LARS2: variants seen among roughly 807,000 people sequenced by gnomAD.
LARS2 encodes leucyl-tRNA synthetase 2, mitochondrial, also known as leucine--tRNA ligase, mitochondrial.
In LARS2, 81 loss-of-function variants were observed where a neutral mutation model predicts 116.6. The observed-to-expected ratio is 0.69, with a 90% CI of 0.58 to 0.84. The LOEUF (loss-of-function observed/expected upper bound fraction) is 0.84. Among genes scored for constraint, LARS2 ranks in the 40% least tolerant of loss-of-function variants. LARS2 has a pLI of 0.00. For synonymous variants in LARS2, 396 were observed against 407.2 expected (o/e 0.97, Z 0.33); for missense variants, 968 against 1,114.5 (o/e 0.87, Z 1.87).
At chr3:45,532,549 T>C (rs984251242) in intron 20 of LARS2, among the ~76,000 whole-genome samples, 1 of 152,246 alleles carries the variant, frequency 6.6e-6, no homozygotes, top group Non-Finnish European at 1.5e-5. Flanking sequence ...AATTTTGCAG[T>C]TATTTTACTA....
intron 16 of LARS2, among the ~76,000 whole-genome samples, chr3:45,514,901 G>A (rs957786089): frequency 6.6e-6 from 1 of 152,218 alleles, no homozygotes. Flanking sequence ...CTGTCATGGG[G>A]TCAGGCAGTA....
chr3:45,451,601 A>G (rs1358862411), intron 7 of LARS2, among the ~76,000 whole-genome samples: 4 of 151,946 alleles, frequency 2.6e-5, no homozygotes, highest in African/African-American at 9.7e-5. Flanking sequence ...TTTGGGTTAC[A>G]ATAGTTTTTT....
At chr3:45,500,930 C>T (rs892152268) in intron 15 of LARS2, among the ~76,000 whole-genome samples, 4 of 151,956 alleles carry the variant, frequency 2.6e-5, no homozygotes, top group Non-Finnish European at 2.9e-5. Flanking sequence ...GCTCTTGTTC[C>T]TAAGCTTGGC....
rs1219947293 is a variant in LARS2, at chr3:45,524,124, CT to C, written c.2404+22del. 6 of 1,517,162 alleles carry C rather than the reference CT, an allele frequency of 4.0e-6. No homozygotes were observed. The highest frequency in any genetic ancestry group is 1.1e-5 in the South Asian group (1 of 88,742). 94.0% of individuals were successfully genotyped at this position (1,517,162 alleles called of 1,614,324 possible). On this transcript the variant is annotated intron_variant, in intron 20 of 21. Coordinates refer to ENST00000645846, the MANE Select transcript of LARS2 (RefSeq NM_015340.4). ...ATCTGGGCAGGTACGTGGCAGAGTC[CT>C]TTTTTGACCAGTTACTACTAACTAG...
chr3:45,409,131 A>G (rs1278264476), intron 4 of LARS2, among the ~76,000 whole-genome samples: 1 of 152,216 alleles, frequency 6.6e-6, no homozygotes, highest in Non-Finnish European at 1.5e-5. Context: ...CAAGAAGTTA[A>G]CTTCTAGGAA....
At chr3:45,540,246 G>A (rs1700770091) in intron 20 of LARS2, among the ~76,000 whole-genome samples, 1 of 152,030 alleles carries the variant, frequency 6.6e-6, no homozygotes, top group African/African-American at 2.4e-5. Context: ...ATGACAGAGT[G>A]AGACTCTGTC....
At chr3:45,457,847 T>C (rs1699238673) in intron 7 of LARS2, among the ~76,000 whole-genome samples, 1 of 152,232 alleles carries the variant, frequency 6.6e-6, no homozygotes, top group Non-Finnish European at 1.5e-5. Context: ...AGACACTAAC[T>C]AGAACTCTAT....
chr3:45,475,026 G>C (rs1264540528), intron 9 of LARS2, among the ~76,000 whole-genome samples: 2 of 152,208 alleles, frequency 1.3e-5, no homozygotes, highest in African/African-American at 4.8e-5. Flanking sequence ...TGTCTCTACT[G>C]ACTAGAGAGT....
intron 8 of LARS2, among the ~76,000 whole-genome samples, chr3:45,461,045 GA>G (rs1042027454): frequency 3.2e-4 from 48 of 151,852 alleles, no homozygotes; most frequent in Middle Eastern, 3.4e-3. Flanking sequence ...AATCAAGGGG[GA>G]AAAAAAGGCA....
intron 3 of LARS2, among the ~76,000 whole-genome samples, chr3:45,395,736 G>A (rs1164883561): frequency 6.6e-6 from 1 of 152,158 alleles, no homozygotes; most frequent in African/African-American, 2.4e-5. Context: ...GAGATTGGTG[G>A]TTATGAAAAA....
chr3:45,541,715 C>T (rs574648025), intron 20 of LARS2, 114 bp from the exon 21 acceptor site: 128 of 1,351,288 alleles, frequency 9.5e-5, no homozygotes, highest in Non-Finnish European at 1.1e-4. Flanking sequence ...GGCTTCCCAC[C>T]GGCTCCTCAC....
At chr3:45,494,286 C>A (rs1699972724) in intron 13 of LARS2, among the ~76,000 whole-genome samples, 1 of 152,262 alleles carries the variant, frequency 6.6e-6, no homozygotes, top group South Asian at 2.1e-4. Context: ...CTGGCCATTT[C>A]CTTGGGTAAT....
chr3:45,417,064 ACT>A (rs1698434436), intron 4 of LARS2, among the ~76,000 whole-genome samples: 2 of 133,884 alleles, frequency 1.5e-5, no homozygotes, highest in Admixed American at 1.6e-4. Flanking sequence ...AAAGTGCAAG[ACT>A]CTGTCTCAAA....
Position 45,547,392 on chromosome 3 carries a change from A to C in LARS2, c.2574A>C (p.Gln858His). 1 of 1,612,238 alleles carries C rather than the reference A, an allele frequency of 6.2e-7. No homozygotes were observed. Among genetic ancestry groups the C allele is most frequent in the East Asian group, 2.2e-5 (1 of 44,814 alleles). Reference sequence around the variant, plus strand: ...GTGGCAAAATTCCTGTGCCCCAACAAGTTGCCCGGGACCAGGACAAAGTCC... The same window carrying C: ...GTGGCAAAATTCCTGTGCCCCAACACGTTGCCCGGGACCAGGACAAAGTCC... ...KACGKIPVPQ[Q>H]VARDQDKVHE... Residue 858 changes from glutamine (Q) to histidine (H), a missense_variant, in exon 22 of 22, where the codon CAA becomes CAC. Gln to His is a conservative substitution (Grantham distance 24). Coordinates refer to ENST00000645846, the MANE Select transcript of LARS2 (RefSeq NM_015340.4).
chr3:45,500,444 C>G lies in LARS2; in HGVS notation c.1625C>G (p.Pro542Arg). ...RYTDPHNPHSPFNTAVADYWM... is the reference protein window; with the variant it reads ...RYTDPHNPHSRFNTAVADYWM... ...ATGCCTCCATCTCTTTTTTACAGCC[C>G]TTTTAACACAGCAGTGGCCGATTAC... Residue 542 changes from proline to arginine, a missense_variant and splice_region_variant, in exon 15 of 22, where the codon CCT becomes CGT. Coordinates refer to ENST00000645846, the MANE Select transcript of LARS2 (RefSeq NM_015340.4). 6.3e-7 allele frequency: 1 copy of G among 1,599,566 alleles called. No homozygotes were observed. The highest frequency in any genetic ancestry group is 1.1e-5 in the South Asian group (1 of 87,084).
intron 8 of LARS2, among the ~76,000 whole-genome samples, chr3:45,465,521 T>A (rs1198386850): frequency 6.6e-6 from 1 of 152,172 alleles, no homozygotes; most frequent in African/African-American, 2.4e-5. Context: ...TCCCTGTCAC[T>A]TCCCAGGCAA....
At chr3:45,460,654 G>A (rs778166311) in intron 8 of LARS2, among the ~76,000 whole-genome samples, 3 of 152,178 alleles carry the variant, frequency 2.0e-5, no homozygotes, top group Non-Finnish European at 4.4e-5. Flanking sequence ...ATCTGGAGAA[G>A]AGGGAGAGTA....
In LARS2 at chr3:45,449,156, ATTT is replaced by A. The variant is rs1161349903; in HGVS notation, c.606+2197_606+2199del. ...GGAGCAAGGGGAAGCTTAACTCACTATTTTTTTTTTTTTTTTTTTTTTTGAGAC... is the reference window on the plus strand; with the variant it reads ...GGAGCAAGGGGAAGCTTAACTCACTATTTTTTTTTTTTTTTTTTTTGAGAC... On this transcript the variant is annotated intron_variant, in intron 7 of 21. Coordinates refer to ENST00000645846, the MANE Select transcript of LARS2 (RefSeq NM_015340.4). Among the ~76,000 whole-genome samples, 25 of 102,922 alleles carry A rather than the reference ATTT, an allele frequency of 2.4e-4. No homozygotes were observed. The South Asian group carries it at 3.7e-3, about 15-fold the overall frequency. 67.5% of individuals were successfully genotyped at this position (102,922 alleles called of 152,430 possible).
chr3:45,526,789 A>T (rs1700537198), intron 20 of LARS2, among the ~76,000 whole-genome samples: 1 of 152,180 alleles, frequency 6.6e-6, no homozygotes, highest in Non-Finnish European at 1.5e-5. Flanking sequence ...ACACAAGCAG[A>T]TAGATAGGGC....
Sources: gnomAD v4.1 joint callset for allele counts (sites outside exome capture counted in the v4.1 genomes callset) on GRCh38, gnomAD v4.1.1 for gene constraint, MANE v1.5 for transcripts, NCBI Gene and HGNC (gene_info 2026-07-23, HGNC 2026-07-21) for gene names.